Variants in ZNF280B observed in about 807,000 individuals in gnomAD.
The protein encoded by ZNF280B is zinc finger protein 280B, also known as suppressor of hairy wing homolog 2.
Under a neutral mutation model 38.0 loss-of-function variants are expected in ZNF280B, and 16 were observed. That is an observed-to-expected ratio of 0.42 (90% CI 0.28 to 0.64). The LOEUF (loss-of-function observed/expected upper bound fraction) is 0.64. Ranked by LOEUF, ZNF280B falls within the 30% of genes least tolerant of loss-of-function variation. The pLI, the probability that ZNF280B is intolerant of heterozygous loss-of-function variation, is 0.21. For synonymous variants in ZNF280B, 253 were observed against 230.6 expected (o/e 1.10, Z -0.88); for missense variants, 581 against 639.6 (o/e 0.91, Z 0.99).
rs1389190830 is a variant in ZNF280B at position 22,487,987 on chromosome 22, G to A, written c.1412C>T (p.Thr471Ile). ...CTTGTGCTCCATTTTCTCCTTGAAAGTTAAAAACTGTAGCCGGCACTTGGA... is the reference window on the plus strand; with the variant it reads ...CTTGTGCTCCATTTTCTCCTTGAAAATTAAAAACTGTAGCCGGCACTTGGA... ...QCSKCRLQFL[T>I]FKEKMEHKTQ... The change falls in exon 4 of 4, where the codon ACT becomes ATT. Residue 471 changes from threonine (T) to isoleucine (I), a missense_variant. Transcript: ENST00000626650. 1 of 1,613,646 alleles carries A rather than the reference G, an allele frequency of 6.2e-7. No homozygotes were observed. The highest frequency in any genetic ancestry group is 8.5e-7 in the Non-Finnish European group (1 of 1,179,908).
chr22:22,498,976 T>G (rs1262107665), intron 2 of ZNF280B, among the ~76,000 whole-genome samples: 1 of 151,202 alleles, frequency 6.6e-6, no homozygotes, highest in Non-Finnish European at 1.5e-5. Flanking sequence ...TTTTTTGTAT[T>G]TTTTAGTGGA....
At chr22:22,499,209 A>G (rs1191688373) in intron 2 of ZNF280B, among the ~76,000 whole-genome samples, 2 of 151,998 alleles carry the variant, frequency 1.3e-5, no homozygotes, top group African/African-American at 2.4e-5. Flanking sequence ...AAAAAATACA[A>G]GGATGGTTCA....
In ZNF280B at chr22:22,487,624, TG is replaced by T; in HGVS notation, c.*142del. The T allele has an allele frequency of 1.5e-6, 1 of 645,386 alleles. No individual in the cohort carries two copies. 40.0% of individuals were successfully genotyped at this position (645,386 alleles called of 1,614,324 possible). On this transcript the variant is annotated 3_prime_UTR_variant, in exon 4 of 4. Transcript: ENST00000626650. ...AATTCAGATCAAATAATATATATCC[TG>T]AATCTTGTTTAAAAAGTCATATATA...
intron 2 of ZNF280B, among the ~76,000 whole-genome samples, chr22:22,501,242 G>A (rs1042245300): frequency 2.0e-5 from 3 of 151,786 alleles, no homozygotes; most frequent in Non-Finnish European, 4.4e-5. Flanking sequence ...AATTATATGC[G>A]TTTTTACCAC....
intron 3 of ZNF280B, among the ~76,000 whole-genome samples, chr22:22,490,149 A>T (rs2061564555): frequency 6.6e-6 from 1 of 151,926 alleles, no homozygotes; most frequent in Non-Finnish European, 1.5e-5. Flanking sequence ...CATGGCCTTA[A>T]TTATAATCCA....
At position 22,502,456 on chromosome 22, in the gene ZNF280B, T is replaced by C. The variant is rs377571956; in HGVS notation, c.-187+5354A>G. Among the ~76,000 whole-genome samples the C allele has an allele frequency of 6.2e-4, 94 of 152,010 alleles. 1 individual carries two copies. Among genetic ancestry groups the C allele is most frequent in the South Asian group, 5.6e-3 (27 of 4,808 alleles). ...ACTCCTAGGTATATACCCAAGAGAA[T>C]TGAAAATATAACACATATATAAGCT... On this transcript the variant is annotated intron_variant, in intron 2 of 3. Coordinates refer to ENST00000626650, the MANE Select transcript of ZNF280B (RefSeq NM_080764.4).
rs985795464 is a variant in ZNF280B, at chr22:22,484,845, G to A, written c.*2922C>T. On this transcript the variant is annotated 3_prime_UTR_variant, in exon 4 of 4. Transcript: ENST00000626650. ...GGAGAGAGTAAAGTGCCTTTAAGAGGAAAAGTAGAAGTTTTTTTTTTTTTT... is the reference window on the plus strand; with the variant it reads ...GGAGAGAGTAAAGTGCCTTTAAGAGAAAAAGTAGAAGTTTTTTTTTTTTTT... 6.6e-6 allele frequency: 1 copy of A among 151,728 alleles called. No individual in the cohort carries two copies. Among genetic ancestry groups the A allele is most frequent in the African/African-American group, 2.4e-5 (1 of 41,180 alleles). 9.4% of individuals were successfully genotyped at this position (151,728 alleles called of 1,614,324 possible).
intron 2 of ZNF280B, among the ~76,000 whole-genome samples, chr22:22,504,709 T>C (rs972866637): frequency 2.2e-4 from 34 of 152,006 alleles, no homozygotes; most frequent in Admixed American, 2.2e-3. Context: ...ATTCAATCAG[T>C]AGAATTAAAA....
intron 2 of ZNF280B, among the ~76,000 whole-genome samples, chr22:22,497,841 A>G (rs934372113): frequency 2.0e-5 from 3 of 152,006 alleles, no homozygotes; most frequent in Non-Finnish European, 4.4e-5. Context: ...AATGTTAAAC[A>G]TAGACTTATG....
chr22:22,486,467 G>A lies in ZNF280B; in HGVS notation c.*1300C>T, dbSNP rs2061502934. 6.6e-6 allele frequency: 1 copy of A among 152,274 alleles called. No homozygotes were observed. The highest frequency in any genetic ancestry group is 6.6e-5 in the Admixed American group (1 of 15,222). 9.4% of individuals were successfully genotyped at this position (152,274 alleles called of 1,614,324 possible). ...GTACAGTTCAAATTATAGATATTAGGGCTTCTTCCCCTTGGGAAACTTGCT... is the reference window on the plus strand; with the variant it reads ...GTACAGTTCAAATTATAGATATTAGAGCTTCTTCCCCTTGGGAAACTTGCT... On this transcript the variant is annotated 3_prime_UTR_variant, in exon 4 of 4. Transcript: ENST00000626650.
chr22:22,503,153 C>T (rs1449893683), intron 2 of ZNF280B, among the ~76,000 whole-genome samples: 1 of 151,860 alleles, frequency 6.6e-6, no homozygotes, highest in Non-Finnish European at 1.5e-5. Flanking sequence ...TTCTGACCTC[C>T]CGAACTAAGG....
chr22:22,494,104 C>G lies in ZNF280B; in HGVS notation c.-110G>C, dbSNP rs1486241325. On this transcript the variant is annotated 5_prime_UTR_variant, in exon 3 of 4. Transcript: ENST00000626650. ...GTCATGTGAGAACACAGCAAGAAGG[C>G]TGTCATCCACCAGCCAGGAAGAGAG... 6.6e-6 allele frequency: 1 copy of G among 152,000 alleles called. No individual in the cohort carries two copies. Among genetic ancestry groups the G allele is most frequent in the East Asian group, 2.0e-4 (1 of 5,112 alleles). The allele number at this position is 152,000 out of a possible 1,614,324, so 9.4% of individuals were successfully genotyped here.
chr22:22,496,070 T>C (rs1389454749), intron 2 of ZNF280B, among the ~76,000 whole-genome samples: 1 of 149,800 alleles, frequency 6.7e-6, no homozygotes, highest in Non-Finnish European at 1.5e-5. Flanking sequence ...CCTCCCAAAA[T>C]GCTGAGATTA....
rs770719152 is a variant in ZNF280B, at chr22:22,489,471, G to A, written c.-68-5C>T. Reference sequence around the variant, plus strand: ...TTCCTTTATATAAACTGCCACCTAAGTACAAACATACATCAGTAAGTACAG... The same window carrying A: ...TTCCTTTATATAAACTGCCACCTAAATACAAACATACATCAGTAAGTACAG... On this transcript the variant is annotated splice_region_variant and splice_polypyrimidine_tract_variant and intron_variant, in intron 3 of 3. Coordinates refer to ENST00000626650, the MANE Select transcript of ZNF280B (RefSeq NM_080764.4). The A allele has an allele frequency of 7.0e-5, 92 of 1,305,268 alleles. No homozygotes were observed. Among genetic ancestry groups the A allele is most frequent in the Non-Finnish European group, 9.1e-5 (86 of 949,114 alleles). 80.9% of individuals were successfully genotyped at this position (1,305,268 alleles called of 1,614,324 possible).
At position 22,488,031 on chromosome 22, in the gene ZNF280B, TC is replaced by T; in HGVS notation, c.1367del (p.Gly456GlufsTer15). On this transcript the variant is annotated frameshift_variant, in exon 4 of 4. Transcript: ENST00000626650. LOFTEE classifies it high-confidence loss of function. Reference protein sequence around the residue: ...PYMCHYRGHWGKSAHQCSKCR... With the variant: ...PYMCHYRGHWXKSAHQCSKCR... Reference sequence around the variant, plus strand: ...ACTTGGAACACTGGTGTGCACTCTTTCCCCAGTGGCCCCTATAATGACACAT... The same window carrying T: ...ACTTGGAACACTGGTGTGCACTCTTTCCCAGTGGCCCCTATAATGACACAT... 6.2e-7 allele frequency: 1 copy of T among 1,613,900 alleles called. No individual in the cohort carries two copies.
In ZNF280B at chr22:22,484,858, T is replaced by G. The variant is rs979227099; in HGVS notation, c.*2909A>C. 6.8e-6 allele frequency: 1 copy of G among 146,532 alleles called. No homozygotes were observed. Among genetic ancestry groups the G allele is most frequent in the African/African-American group, 2.5e-5 (1 of 40,166 alleles). The allele number at this position is 146,532 out of a possible 1,614,324, so 9.1% of individuals were successfully genotyped here. On this transcript the variant is annotated 3_prime_UTR_variant, in exon 4 of 4. Transcript: ENST00000626650. The stretch of plus-strand genomic sequence containing the variant: ...TGCCTTTAAGAGGAAAAGTAGAAGT[T>G]TTTTTTTTTTTTTAAAGGGAGATCT...
At chr22:22,495,286 G>A (rs2061672023) in intron 2 of ZNF280B, among the ~76,000 whole-genome samples, 1 of 151,792 alleles carries the variant, frequency 6.6e-6, no homozygotes, top group African/African-American at 2.4e-5. Context: ...ATTGATTTCT[G>A]ACTACTTCTA....
rs1276015821 is a variant in ZNF280B, at chr22:22,485,005, T to C, written c.*2762A>G. 1 of 152,308 alleles carries C rather than the reference T, an allele frequency of 6.6e-6. No homozygotes were observed. The allele number at this position is 152,308 out of a possible 1,614,324, so 9.4% of individuals were successfully genotyped here. ...GGGCATTCTAAGAAAGACAACAGCATGTGCAAAGTCTTTGGATTGGGAAGA... is the reference window on the plus strand; with the variant it reads ...GGGCATTCTAAGAAAGACAACAGCACGTGCAAAGTCTTTGGATTGGGAAGA... On this transcript the variant is annotated 3_prime_UTR_variant, in exon 4 of 4. Transcript: ENST00000626650.
Position 22,487,470 on chromosome 22 carries a change from A to T in ZNF280B, c.*297T>A, listed in dbSNP as rs2061516616. On this transcript the variant is annotated 3_prime_UTR_variant, in exon 4 of 4. Transcript: ENST00000626650. Reference sequence around the variant, plus strand: ...AGTAAAAAAAAAAAAAAAAAAAAAAAAAAAAATTAAAATTAAAAAAATAAA... The same window carrying T: ...AGTAAAAAAAAAAAAAAAAAAAAAATAAAAAATTAAAATTAAAAAAATAAA... 6.1e-6 allele frequency: 1 copy of T among 162,908 alleles called. No individual in the cohort carries two copies. The highest frequency in any genetic ancestry group is 1.6e-4 in the East Asian group (1 of 6,090). The allele number at this position is 162,908 out of a possible 1,614,324, so 10.1% of individuals were successfully genotyped here.
Sources: allele counts gnomAD v4.1 joint callset (sites outside exome capture counted in the v4.1 genomes callset), GRCh38; gene constraint gnomAD v4.1.1; transcripts MANE v1.5; gene names NCBI Gene and HGNC (gene_info 2026-07-23, HGNC 2026-07-21).